Variants in QTGAL observed in about 807,000 individuals in gnomAD.
The protein encoded by QTGAL is BGnT-like protein 1.
the QTGAL span, among the ~76,000 whole-genome samples, chr17:82,963,276 G>A: frequency 1.3e-5 from 2 of 152,274 alleles, no homozygotes; most frequent in Admixed American, 1.3e-4. Flanking sequence ...AGTCAGGGAC[G>A]CGCTTCCTTC....
chr17:83,049,420 T>TA, the QTGAL span, among the ~76,000 whole-genome samples: 2 of 150,262 alleles, frequency 1.3e-5, no homozygotes, highest in African/African-American at 4.9e-5. Context: ...TGGTTTTTTT[T>TA]TTTTTTTTCT....
chr17:83,041,074 A>AT, the QTGAL span, among the ~76,000 whole-genome samples: 3 of 146,430 alleles, frequency 2.0e-5, no homozygotes, highest in Non-Finnish European at 4.6e-5. Flanking sequence ...TCAAAAAAAA[A>AT]AAAAAAAAAT....
chr17:83,017,826 C>T, the QTGAL span, among the ~76,000 whole-genome samples: 1 of 151,496 alleles, frequency 6.6e-6, no homozygotes, highest in African/African-American at 2.4e-5. Context: ...GTATCAGGTA[C>T]CACATGTGCT....
chr17:83,011,399 T>A, the QTGAL span: 1 of 152,232 alleles, frequency 6.6e-6, no homozygotes, highest in African/African-American at 2.4e-5. Context: ...TGGTTTCTTG[T>A]AAAAGATCTT....
chr17:83,000,940 T>C, the QTGAL span, among the ~76,000 whole-genome samples: 1 of 151,688 alleles, frequency 6.6e-6, no homozygotes, highest in African/African-American at 2.4e-5. Flanking sequence ...AAGTGGGTCA[T>C]GGTTGCATGG....
At chr17:82,959,085 T>A in the QTGAL span, among the ~76,000 whole-genome samples, 1 of 101,194 alleles carries the variant, frequency 9.9e-6, no homozygotes, top group African/African-American at 4.1e-5. Context: ...GTATGGTGTG[T>A]ATGTGTGGGG....
chr17:82,968,049 G>C, the QTGAL span, among the ~76,000 whole-genome samples: 4 of 152,208 alleles, frequency 2.6e-5, no homozygotes, highest in African/African-American at 7.2e-5. Flanking sequence ...GAGCAGGCAG[G>C]CTCTTAGAGA....
the QTGAL span, among the ~76,000 whole-genome samples, chr17:83,000,145 T>C: frequency 6.6e-6 from 1 of 152,102 alleles, no homozygotes; most frequent in Non-Finnish European, 1.5e-5. Flanking sequence ...GTATTTTTAG[T>C]AGGGACGGGG....
chr17:82,959,634 A>C, the QTGAL span, among the ~76,000 whole-genome samples: 2 of 151,798 alleles, frequency 1.3e-5, no homozygotes, highest in African/African-American at 2.4e-5. Flanking sequence ...TCATCCACTG[A>C]CATCAGCTTA....
the QTGAL span, among the ~76,000 whole-genome samples, chr17:83,011,241 A>G: frequency 1.3e-5 from 2 of 152,258 alleles, no homozygotes; most frequent in African/African-American, 4.8e-5. Flanking sequence ...AACGGGGGCA[A>G]GTTACAGGGC....
the QTGAL span, among the ~76,000 whole-genome samples, chr17:83,036,922 A>T: frequency 1.3e-5 from 2 of 152,116 alleles, no homozygotes; most frequent in African/African-American, 4.8e-5. Flanking sequence ...CATGCGTGGC[A>T]AGCTCAGCTT....
the QTGAL span, chr17:82,961,314 C>T: frequency 8.2e-7 from 1 of 1,223,682 alleles, no homozygotes; most frequent in Non-Finnish European, 1.1e-6. Flanking sequence ...AGAAACCGGT[C>T]TAGAGGCTCA....
At chr17:83,046,648 C>T in the QTGAL span, among the ~76,000 whole-genome samples, 22 of 152,238 alleles carry the variant, frequency 1.4e-4, no homozygotes, top group Non-Finnish European at 3.2e-4. Context: ...AATGCATCCA[C>T]TGTGGAAAAG....
At chr17:82,967,909 A>G in the QTGAL span, among the ~76,000 whole-genome samples, 4 of 152,152 alleles carry the variant, frequency 2.6e-5, no homozygotes, top group African/African-American at 9.7e-5. Flanking sequence ...CACTCACTCC[A>G]GCCTGGGCGA....
the QTGAL span, chr17:82,956,957 T>C: frequency 1.1e-6 from 1 of 942,062 alleles, no homozygotes; most frequent in Non-Finnish European, 1.6e-6. This position sits in a 1 kb window ranked among gnomAD's most constrained non-coding sequence, Gnocchi z 5.7. Context: ...CACCCCCGCC[T>C]GACACCCGAC....
At chr17:83,028,999 C>T in the QTGAL span, among the ~76,000 whole-genome samples, 1 of 152,198 alleles carries the variant, frequency 6.6e-6, no homozygotes, top group Admixed American at 6.5e-5. Flanking sequence ...TGCGGTTTCA[C>T]GTACGCATGA....
At chr17:83,001,224 G>A in the QTGAL span, among the ~76,000 whole-genome samples, 2 of 152,234 alleles carry the variant, frequency 1.3e-5, no homozygotes, top group Non-Finnish European at 2.9e-5. Context: ...TCCAGGGACA[G>A]AGGAATCTGT....
chr17:83,013,449 C>T, the QTGAL span, among the ~76,000 whole-genome samples: 2 of 137,510 alleles, frequency 1.5e-5, no homozygotes, highest in Non-Finnish European at 3.2e-5. Flanking sequence ...CTCCCAACCC[C>T]CTCTGGTTCC....
chr17:82,962,045 A>G, the QTGAL span, among the ~76,000 whole-genome samples: 6 of 152,196 alleles, frequency 3.9e-5, no homozygotes, highest in African/African-American at 1.4e-4. Flanking sequence ...CACCTGGGTC[A>G]GCCGCCCGGA....
Sources: gnomAD v4.1 joint callset for allele counts (sites outside exome capture counted in the v4.1 genomes callset) on GRCh38, gnomAD v4.1.1 for gene constraint, Gnocchi (gnomAD v3.1) non-coding constraint, MANE v1.5 for transcripts, NCBI Gene and HGNC (gene_info 2026-07-23, HGNC 2026-07-21) for gene names.